The following SNX14 variants were observed in gnomAD, a reference collection of about 807,000 sequenced individuals.
SNX14 encodes sorting nexin 14.
SNX14 carries 93 observed loss-of-function variants against 133.8 expected under a neutral mutation model. The ratio of observed to expected loss-of-function variants is 0.70; its 90% CI spans 0.59 to 0.83. The LOEUF is 0.83. Ranked by LOEUF, SNX14 falls within the 40% of genes least tolerant of loss-of-function variation. The pLI is 0.00. For synonymous variants in SNX14, 368 were observed against 365.6 expected (o/e 1.01, Z -0.07); for missense variants, 945 against 1,094.9 (o/e 0.86, Z 1.93).
intron 8 of SNX14, 110 bp from the exon 9 acceptor site, chr6:85,548,486 T>G: frequency 1.3e-6 from 1 of 796,472 alleles, no homozygotes; most frequent in East Asian, 2.9e-5. Context: ...AGACTATAAT[T>G]CAGTAGGTCT....
intron 6 of SNX14, among the ~76,000 whole-genome samples, chr6:85,559,700 A>C (rs1003985689): frequency 6.6e-6 from 1 of 152,256 alleles, no homozygotes; most frequent in Non-Finnish European, 1.5e-5. Context: ...TGACGCAGAT[A>C]AGAGCCACAG....
intron 11 of SNX14, 29 bp from the exon 12 acceptor site, chr6:85,547,255 G>A (rs367982691): frequency 1.4e-5 from 23 of 1,611,102 alleles, no homozygotes; most frequent in Middle Eastern, 3.3e-4. Flanking sequence ...TTAAGTTTAA[G>A]CTATATAAAT....
intron 21 of SNX14, among the ~76,000 whole-genome samples, chr6:85,520,234 G>A (rs988155130): frequency 4.6e-5 from 7 of 151,560 alleles, no homozygotes; most frequent in African/African-American, 1.5e-4. Context: ...GTAGAGACAA[G>A]GATTCACCAT....
At chr6:85,524,588 C>T (rs978385482) in intron 21 of SNX14, among the ~76,000 whole-genome samples, 2 of 152,026 alleles carry the variant, frequency 1.3e-5, no homozygotes, top group East Asian at 1.9e-4. Flanking sequence ...TCAAGACCAG[C>T]CTGGCCAACG....
At chr6:85,568,379 GGCT>G (rs1794551038) in intron 4 of SNX14, 1 of 152,158 alleles carries the variant, frequency 6.6e-6, no homozygotes, top group African/African-American at 2.4e-5. Flanking sequence ...GGAGTATAGT[GGCT>G]AGAGAGGAAC....
rs555201586 is a variant in SNX14, at chr6:85,513,754, G to A, written c.2653+46C>T. On this transcript the variant is annotated intron_variant, in intron 26 of 28. Transcript: ENST00000314673. ...AATTACTATACATTGTGACCTCAAC[G>A]GACTGCTAATCTATATGAAATTAAG... 64 of 1,405,910 alleles carry A rather than the reference G, an allele frequency of 4.6e-5. No individual in the cohort carries two copies. In the Middle Eastern group the frequency reaches 2.3e-3, roughly 52 times the overall value. 87.1% of individuals were successfully genotyped at this position (1,405,910 alleles called of 1,614,324 possible).
chr6:85,548,202 T>G, intron 9 of SNX14, 99 bp downstream of exon 9: 1 of 824,494 alleles, frequency 1.2e-6, no homozygotes, highest in Non-Finnish European at 1.9e-6. Flanking sequence ...AATATGAATG[T>G]TTTCAGTATC....
At chr6:85,514,719 G>A (rs1004023988) in intron 23 of SNX14, 90 bp from the exon 24 acceptor site, 17 of 1,316,770 alleles carry the variant, frequency 1.3e-5, no homozygotes, top group Non-Finnish European at 1.8e-5. Context: ...CACAGCAAAG[G>A]CATTTAAACT....
At chr6:85,524,197 A>G (rs969332160) in intron 21 of SNX14, among the ~76,000 whole-genome samples, 1 of 147,242 alleles carries the variant, frequency 6.8e-6, no homozygotes, top group African/African-American at 2.4e-5. Flanking sequence ...CAAAAAAGAA[A>G]GAAAGAAAGA....
intron 2 of SNX14, among the ~76,000 whole-genome samples, chr6:85,573,719 C>T (rs1376450651): frequency 2.0e-5 from 3 of 152,196 alleles, no homozygotes; most frequent in Non-Finnish European, 4.4e-5. Flanking sequence ...GCCTCAGAAT[C>T]AGCTGGAAAG....
At chr6:85,547,476 G>C (rs770112117) in intron 10 of SNX14, 30 bp downstream of exon 10, 1 of 1,604,570 alleles carries the variant, frequency 6.2e-7, no homozygotes, top group Non-Finnish European at 8.5e-7. Context: ...AATGCAATCT[G>C]AAGTGTTTTC....
At chr6:85,550,965 G>C (rs1447951165) in intron 7 of SNX14, among the ~76,000 whole-genome samples, 1 of 151,946 alleles carries the variant, frequency 6.6e-6, no homozygotes, top group African/African-American at 2.4e-5. Flanking sequence ...ATTTTTTGTA[G>C]AGACAGGGTT....
At chr6:85,589,043 C>T (rs1185219791) in intron 1 of SNX14, 1 of 363,180 alleles carries the variant, frequency 2.8e-6, no homozygotes, top group East Asian at 7.3e-5. Flanking sequence ...TTCTGCCCGA[C>T]TTTTTGCCGT....
At chr6:85,567,443 C>A in intron 5 of SNX14, 91 bp downstream of exon 5, 2 of 953,808 alleles carry the variant, frequency 2.1e-6, no homozygotes, top group Non-Finnish European at 3.1e-6. Flanking sequence ...GTTGAGAAAT[C>A]CTGGTCTACA....
intron 9 of SNX14, 52 bp downstream of exon 9, chr6:85,548,249 T>A: frequency 7.7e-7 from 1 of 1,298,634 alleles, no homozygotes; most frequent in Non-Finnish European, 1.1e-6. Context: ...AGATACTAAA[T>A]GTTATATTAA....
At chr6:85,511,991 A>G (rs756439649) in intron 26 of SNX14, among the ~76,000 whole-genome samples, 2 of 152,084 alleles carry the variant, frequency 1.3e-5, no homozygotes, top group Admixed American at 6.5e-5. Flanking sequence ...TCTTTTAGTG[A>G]GCTTGTACCA....
chr6:85,510,012 C>T (rs1355588594), intron 26 of SNX14, among the ~76,000 whole-genome samples: 2 of 152,110 alleles, frequency 1.3e-5, no homozygotes, highest in Non-Finnish European at 1.5e-5. Context: ...ATCCCATTGT[C>T]TAGAAGTATG....
In SNX14 at chr6:85,505,752, A is replaced by T. The variant is rs1770402625; in HGVS notation, c.*215T>A. On this transcript the variant is annotated 3_prime_UTR_variant, in exon 29 of 29. Coordinates refer to ENST00000314673, the MANE Select transcript of SNX14 (RefSeq NM_153816.6). ...GCAATAACAAGTGACTTATGTTCTA[A>T]TAAAATTTGGATCACAGCTAGCAAA... is the stretch of plus-strand genomic sequence containing the variant. 5 of 522,126 alleles carry T rather than the reference A, an allele frequency of 9.6e-6. No homozygotes were observed. In the South Asian group the frequency reaches 1.3e-4, roughly 13 times the overall value. 32.3% of individuals were successfully genotyped at this position (522,126 alleles called of 1,614,324 possible). A position where few individuals can be genotyped will look rare whatever the true frequency, so the allele number is the denominator to read the frequency against.
intron 1 of SNX14, chr6:85,581,605 CAG>C (rs1178435258): frequency 6.6e-6 from 1 of 152,020 alleles, no homozygotes; most frequent in African/African-American, 2.4e-5. Context: ...CAAGATAACA[CAG>C]AGAAGGAATA....
Sources: gnomAD v4.1 joint callset for allele counts (sites outside exome capture counted in the v4.1 genomes callset) on GRCh38, gnomAD v4.1.1 for gene constraint, MANE v1.5 for transcripts, NCBI Gene and HGNC (gene_info 2026-07-23, HGNC 2026-07-21) for gene names.